Variants in MYCBPAP observed in about 807,000 individuals in gnomAD.
MYCBPAP encodes the protein MYCBP-associated protein.
In MYCBPAP, 60 loss-of-function variants were observed where a neutral mutation model predicts 106.1. The ratio of observed to expected loss-of-function variants is 0.57; its 90% CI spans 0.46 to 0.70. MYCBPAP has a LOEUF of 0.70. MYCBPAP is among the 30% of genes least tolerant of loss of function. The pLI is 0.00. For missense variants in MYCBPAP, 1,064 were observed against 1,169.3 expected (o/e 0.91, Z 1.31); for synonymous variants, 407 against 440.6 (o/e 0.92, Z 0.95).
chr17:50,525,534 C>T (rs897290136), intron 13 of MYCBPAP, among the ~76,000 whole-genome samples: 2 of 152,060 alleles, frequency 1.3e-5, no homozygotes, highest in African/African-American at 4.8e-5. Flanking sequence ...CACTCCAGGC[C>T]AGAGTACAGT....
At position 50,525,876 on chromosome 17, in the gene MYCBPAP, T is replaced by C; in HGVS notation, c.1783-5T>C. On this transcript the variant is annotated splice_polypyrimidine_tract_variant and splice_region_variant and intron_variant, in intron 13 of 18. Transcript: ENST00000323776. ...CCTCACATGCCTTCCCATCCTCTGC[T>C]GCAGCTGCATTATGAGCACCAAGTG... is the stretch of plus-strand genomic sequence containing the variant. 1.3e-6 allele frequency: 2 copies of C among 1,592,798 alleles called. No individual in the cohort carries two copies. The highest frequency in any genetic ancestry group is 8.5e-7 in the Non-Finnish European group (1 of 1,172,172).
chr17:50,529,866 T>A (rs1447745420), intron 18 of MYCBPAP: 1 of 454,616 alleles, frequency 2.2e-6, no homozygotes, highest in African/African-American at 2.0e-5. Context: ...CCTAATCCGT[T>A]CTTAAGTAGC....
chr17:50,520,756 T>C (rs2034228114), intron 7 of MYCBPAP, among the ~76,000 whole-genome samples: 1 of 152,182 alleles, frequency 6.6e-6, no homozygotes, highest in East Asian at 1.9e-4. Context: ...CTCTGGCCTG[T>C]AGTTTCCTCA....
At chr17:50,510,692 A>ATTTT (rs56894700) in intron 1 of MYCBPAP, among the ~76,000 whole-genome samples, 5 of 111,162 alleles carry the variant, frequency 4.5e-5, no homozygotes, top group African/African-American at 1.1e-4. Flanking sequence ...TGCCTGGCAA[A>ATTTT]TTTTTTTTTT....
chr17:50,524,108 G>A (rs187229670), intron 12 of MYCBPAP, among the ~76,000 whole-genome samples: 1 of 152,328 alleles, frequency 6.6e-6, no homozygotes, highest in East Asian at 1.9e-4. Context: ...TTTGTTCATC[G>A]CTGTCTGGTA....
intron 1 of MYCBPAP, among the ~76,000 whole-genome samples, chr17:50,511,469 G>C (rs990812766): frequency 6.6e-6 from 1 of 152,098 alleles, no homozygotes; most frequent in Non-Finnish European, 1.5e-5. Flanking sequence ...ATTTCCCAAA[G>C]ACTTTAATCA....
intron 1 of MYCBPAP, among the ~76,000 whole-genome samples, chr17:50,515,209 TC>T (rs11337064): frequency 0.062 from 5,848 of 94,330 alleles, 306 homozygotes; most frequent in African/African-American, 0.27. Context: ...CCTCCCTGAC[TC>T]CCCCACCTCC....
Position 50,527,204 on chromosome 17 carries a change from AC to A in MYCBPAP, c.2170-80del, listed in dbSNP as rs2034489880. The A allele has an allele frequency of 1.7e-5, 27 of 1,572,686 alleles. No homozygotes were observed. In the South Asian group the frequency reaches 3.0e-4, roughly 18 times the overall value. On this transcript the variant is annotated intron_variant, in intron 14 of 18. Coordinates refer to ENST00000323776, the MANE Select transcript of MYCBPAP (RefSeq NM_032133.6). Reference sequence around the variant, plus strand: ...CCCTCCTGGTTCCTGGTCCCCTGCCACCCATCCCCACATCACCATGCCCTTC... The same window carrying A: ...CCCTCCTGGTTCCTGGTCCCCTGCCACCATCCCCACATCACCATGCCCTTC...
rs1303548174 is a variant in MYCBPAP at position 50,519,016 on chromosome 17, G to A, written c.695G>A (p.Gly232Glu). 2 of 1,614,074 alleles carry A rather than the reference G, an allele frequency of 1.2e-6. No homozygotes were observed. The highest frequency in any genetic ancestry group is 1.3e-5 in the African/African-American group (1 of 75,020). The part of the protein sequence containing the change: ...KPVSELLMHT[G>E]ETYRRIQEER... ...GTGAGTGAGCTGCTCATGCACACCG[G>A]GGAGACCTACAGACGGATCCAGGAG... Residue 232 changes from glycine (G) to glutamate (E), a missense_variant, in exon 6 of 19, where the codon GGG becomes GAG. Physicochemically the swap from Gly to Glu is moderately conservative, Grantham distance 98. Transcript: ENST00000323776.
At chr17:50,509,526 C>CT (rs1256966477) in intron 1 of MYCBPAP, 25 of 143,930 alleles carry the variant, frequency 1.7e-4, no homozygotes, top group East Asian at 1.0e-3. Flanking sequence ...TAATTTTTAG[C>CT]TTTTTTTTTC....
intron 7 of MYCBPAP, 79 bp from the exon 8 acceptor site, chr17:50,521,031 C>A: frequency 8.7e-7 from 1 of 1,152,586 alleles, no homozygotes; most frequent in Non-Finnish European, 1.3e-6. Context: ...GGGATAGGCA[C>A]TCTCAGAGCC....
chr17:50,510,499 G>GTATGTATGTA (rs1555618059), intron 1 of MYCBPAP: 1 of 76,408 alleles, frequency 1.3e-5, no homozygotes, highest in African/African-American at 4.6e-5. Flanking sequence ...GTGTGTGTGT[G>GTATGTATGTA]TATATATATA....
intron 13 of MYCBPAP, 22 bp from the exon 14 acceptor site, chr17:50,525,859 G>A: frequency 1.9e-6 from 3 of 1,566,804 alleles, no homozygotes; most frequent in East Asian, 2.2e-5. Context: ...CCCCTCACAT[G>A]CCTTCCCATC....
At chr17:50,527,527 G>A in intron 15 of MYCBPAP, 119 bp downstream of exon 15, 1 of 1,344,254 alleles carries the variant, frequency 7.4e-7, no homozygotes, top group Non-Finnish European at 1.0e-6. Context: ...CAGGTTGCTA[G>A]AGCATGCCGC....
At chr17:50,512,753 A>T (rs1022301472) in intron 1 of MYCBPAP, among the ~76,000 whole-genome samples, 1 of 152,086 alleles carries the variant, frequency 6.6e-6, no homozygotes, top group African/African-American at 2.4e-5. Context: ...CTTGGTAAGC[A>T]CTCTCGAGGA....
chr17:50,519,137 G>T, intron 6 of MYCBPAP, 48 bp downstream of exon 6: 1 of 1,252,976 alleles, frequency 8.0e-7, no homozygotes, highest in Non-Finnish European at 1.1e-6. Context: ...GTCCATGGAG[G>T]AGGGGGCGGG....
rs1398591936 is a variant in MYCBPAP, at chr17:50,529,111, C to T, written c.2647C>T (p.Pro883Ser). Residue 883 changes from proline to serine, a missense_variant, in exon 18 of 19, where the codon CCT (proline) becomes TCT (serine). Transcript: ENST00000323776. Reference protein sequence around the residue: ...QDRFSLEDPTPDIILSSQEPI... With the variant: ...QDRFSLEDPTSDIILSSQEPI... ...CAGGTTTTCTTTGGAAGACCCTACC[C>T]CTGACATCATCCTCTCTTCTCAAGA... is the stretch of plus-strand genomic sequence containing the variant. 1.2e-6 allele frequency: 2 copies of T among 1,614,078 alleles called. No homozygotes were observed. The highest frequency in any genetic ancestry group is 1.3e-5 in the African/African-American group (1 of 75,022).
chr17:50,511,983 C>A (rs528271995), intron 1 of MYCBPAP, among the ~76,000 whole-genome samples: 1 of 152,008 alleles, frequency 6.6e-6, no homozygotes, highest in South Asian at 2.1e-4. Context: ...CCATGCTTTA[C>A]AAAGCTGTCA....
chr17:50,519,897 C>T (rs943945203), intron 7 of MYCBPAP, 110 bp downstream of exon 7: 3 of 1,182,158 alleles, frequency 2.5e-6, no homozygotes, highest in Non-Finnish European at 3.5e-6. Flanking sequence ...GGGCCTGTTT[C>T]TCTGTGGTTC....
Sources: allele counts gnomAD v4.1 joint callset (sites outside exome capture counted in the v4.1 genomes callset), GRCh38; gene constraint gnomAD v4.1.1; transcripts MANE v1.5; gene names NCBI Gene and HGNC (gene_info 2026-07-23, HGNC 2026-07-21).